Variants in EFCAB8 observed in about 807,000 individuals in gnomAD.
The protein encoded by EFCAB8 is EF-hand calcium binding domain 8, also known as EF-hand calcium-binding domain-containing protein 8.
In EFCAB8, 100 loss-of-function variants were observed where a neutral mutation model predicts 116.3. That is an observed-to-expected ratio of 0.86 (90% confidence interval 0.73 to 1.02). The LOEUF (loss-of-function observed/expected upper bound fraction) is 1.02. EFCAB8 is among the 50% of genes least tolerant of loss of function. The probability of loss-of-function intolerance (pLI) is 0.00; values close to 1 mark genes in which losing one functional copy is unlikely to be tolerated. For missense variants in EFCAB8, 1,320 were observed against 1,416.9 expected (o/e 0.93, Z 1.10); for synonymous variants, 558 against 567.9 (o/e 0.98, Z 0.25).
intron 3 of EFCAB8, among the ~76,000 whole-genome samples, chr20:32,875,695 G>A (rs1984934619): frequency 6.6e-6 from 1 of 151,810 alleles, no homozygotes; most frequent in Admixed American, 6.6e-5. Context: ...TTTTAGTAGA[G>A]ACAGGGTTTC....
At chr20:32,882,883 G>A (rs549201766) in intron 5 of EFCAB8, among the ~76,000 whole-genome samples, 1 of 152,172 alleles carries the variant, frequency 6.6e-6, no homozygotes, top group African/African-American at 2.4e-5. Flanking sequence ...TTTTAGTAGA[G>A]ACGGGGTTTC....
chr20:32,959,258 G>A (rs1315625131), intron 24 of EFCAB8, among the ~76,000 whole-genome samples: 40 of 152,196 alleles, frequency 2.6e-4, no homozygotes, highest in Admixed American at 2.6e-3. Flanking sequence ...TTAGGAACAG[G>A]GATGGCTCAG....
intron 20 of EFCAB8, among the ~76,000 whole-genome samples, chr20:32,929,582 T>G (rs1364394482): frequency 6.7e-6 from 1 of 149,976 alleles, no homozygotes; most frequent in Non-Finnish European, 1.5e-5. Flanking sequence ...GCTCAAGTGA[T>G]TCACCCGCCT....
intron 20 of EFCAB8, among the ~76,000 whole-genome samples, chr20:32,926,137 G>A (rs935562163): frequency 9.2e-5 from 14 of 152,176 alleles, no homozygotes; most frequent in South Asian, 2.1e-4. Flanking sequence ...TGCTCTCACC[G>A]TCCCAGGGCT....
intron 1 of EFCAB8, among the ~76,000 whole-genome samples, chr20:32,859,649 A>T (rs565200625): frequency 6.6e-6 from 1 of 152,352 alleles, no homozygotes; most frequent in South Asian, 2.1e-4. Flanking sequence ...CTTTGTCCAG[A>T]TAGACTAATT....
chr20:32,873,399 T>C (rs558980656), intron 3 of EFCAB8, among the ~76,000 whole-genome samples: 15 of 151,736 alleles, frequency 9.9e-5, no homozygotes, highest in Non-Finnish European at 2.1e-4. Context: ...TTTTAAAGAT[T>C]GTGATTATTA....
intron 6 of EFCAB8, among the ~76,000 whole-genome samples, chr20:32,888,485 G>T (rs1359771250): frequency 6.6e-6 from 1 of 152,150 alleles, no homozygotes; most frequent in East Asian, 1.9e-4. Context: ...GCCTCCCAAA[G>T]TGCTGGGATT....
chr20:32,864,236 A>C (rs1252466183), intron 2 of EFCAB8, among the ~76,000 whole-genome samples: 1 of 151,408 alleles, frequency 6.6e-6, no homozygotes, highest in Non-Finnish European at 1.5e-5. Context: ...CAGCCTCCCA[A>C]AGTGCTGGGA....
chr20:32,885,505 G>GA lies in EFCAB8; in HGVS notation c.434dup (p.Asn145LysfsTer5). ...TTCTCTCTTTCATCGCCTCCCACAG[G>GA]AACCATGGCTGTGAGGTGGTGAAGG... On this transcript the variant is annotated frameshift_variant and splice_region_variant, in exon 6 of 27. Transcript: ENST00000400522. LOFTEE classifies it high-confidence loss of function. The GA allele has an allele frequency of 6.4e-7, 1 of 1,551,696 alleles. No homozygotes were observed.
In EFCAB8 at chr20:32,931,243, G is replaced by A; in HGVS notation, c.2697G>A (p.Lys899=). ...DKQPFQSSGA[K]VVSEAHNKFR... ...AGCCATTCCAATCCAGTGGGGCCAA[G>A]GTTGTCTCTGAAGCACACAACAAGT... The change falls in exon 22 of 27, where the codon AAG becomes AAA. Residue 899 remains lysine (K), a synonymous_variant. Transcript: ENST00000400522. 1 of 1,551,360 alleles carries A rather than the reference G, an allele frequency of 6.4e-7. No homozygotes were observed. Among genetic ancestry groups the A allele is most frequent in the Non-Finnish European group, 8.7e-7 (1 of 1,146,874 alleles).
intron 15 of EFCAB8, among the ~76,000 whole-genome samples, 186 bp downstream of exon 15, chr20:32,910,117 G>A (rs767444699): frequency 7.2e-5 from 11 of 152,340 alleles, no homozygotes; most frequent in Middle Eastern, 3.4e-3. Flanking sequence ...ATGGGCTGGC[G>A]TGGGATCAGC....
intron 3 of EFCAB8, among the ~76,000 whole-genome samples, chr20:32,871,179 T>C (rs959729289): frequency 2.2e-4 from 33 of 151,202 alleles, no homozygotes; most frequent in African/African-American, 8.1e-4. Context: ...TAAATTTTAG[T>C]GTCCAGTCAT....
At chr20:32,960,310 G>C (rs1001324581) in intron 26 of EFCAB8, 149 bp downstream of exon 26, 8 of 780,034 alleles carry the variant, frequency 1.0e-5, no homozygotes, top group Non-Finnish European at 1.7e-5. Context: ...GCCATGGACA[G>C]GTCTGGGATG....
intron 23 of EFCAB8, among the ~76,000 whole-genome samples, chr20:32,956,391 C>T (rs1049615141): frequency 3.9e-5 from 6 of 151,956 alleles, no homozygotes; most frequent in African/African-American, 1.5e-4. Flanking sequence ...CAGTTGTTTT[C>T]CTTTATTCTG....
At chr20:32,948,360 A>G (rs1568946845) in intron 23 of EFCAB8, among the ~76,000 whole-genome samples, 1 of 152,166 alleles carries the variant, frequency 6.6e-6, no homozygotes, top group Non-Finnish European at 1.5e-5. Context: ...AGATACCTCC[A>G]GGCCTAAATG....
In EFCAB8 at chr20:32,918,521, C is replaced by G; in HGVS notation, c.2221C>G (p.Pro741Ala). The G allele has an allele frequency of 3.2e-6, 5 of 1,551,708 alleles. No individual in the cohort carries two copies. Among genetic ancestry groups the G allele is most frequent in the Non-Finnish European group, 4.4e-6 (5 of 1,146,988 alleles). Residue 741 changes from proline (P) to alanine (A), a missense_variant, in exon 19 of 27, where the codon CCA becomes GCA. Pro to Ala is a conservative substitution (Grantham distance 27, BLOSUM62 -1). Transcript: ENST00000400522. ...GAGGCGGAGCCTGGTGTCGGCTCCC[C>G]CAGTGATGCGGTGCCCGAGAGACAA... ...NLRRSLVSAPPVMRCPRDKEP... is the reference protein window; with the variant it reads ...NLRRSLVSAPAVMRCPRDKEP...
chr20:32,917,486 C>CGCCCTTG lies in EFCAB8; in HGVS notation c.2043_2049dup (p.Gln684AlafsTer16). ...AACTTCAATGCCTCTAGGAGCCCCTCGCCCTTGCAGCCCAAGAGGGTATGT... is the reference window on the plus strand; with the variant it reads ...AACTTCAATGCCTCTAGGAGCCCCTCGCCCTTGGCCCTTGCAGCCCAAGAGGGTATGT... On this transcript the variant is annotated frameshift_variant, in exon 18 of 27. Transcript: ENST00000400522. LOFTEE classifies it high-confidence loss of function. 1 of 1,551,576 alleles carries CGCCCTTG rather than the reference C, an allele frequency of 6.4e-7. No homozygotes were observed. The highest frequency in any genetic ancestry group is 2.4e-5 in the East Asian group (1 of 40,890).
At chr20:32,895,499 A>G (rs1274280770) in intron 9 of EFCAB8, among the ~76,000 whole-genome samples, 2 of 142,366 alleles carry the variant, frequency 1.4e-5, no homozygotes, top group Admixed American at 1.4e-4. Flanking sequence ...CTAATTTTTT[A>G]TTTTTTTGAT....
chr20:32,871,846 T>C (rs1984698414), intron 3 of EFCAB8, among the ~76,000 whole-genome samples: 1 of 152,134 alleles, frequency 6.6e-6, no homozygotes, highest in Non-Finnish European at 1.5e-5. Flanking sequence ...TTGTGCCAGA[T>C]CTTTGAGGGA....
Sources: gnomAD v4.1 joint callset for allele counts (sites outside exome capture counted in the v4.1 genomes callset) on GRCh38, gnomAD v4.1.1 for gene constraint, MANE v1.5 for transcripts, NCBI Gene and HGNC (gene_info 2026-07-23, HGNC 2026-07-21) for gene names.